ZNFX1: variants seen among roughly 807,000 people sequenced by gnomAD.
ZNFX1 encodes the protein NFX1-type zinc finger-containing protein 1.
A neutral mutation model predicts 179.8 loss-of-function variants in ZNFX1; 78 were observed. The observed-to-expected ratio is 0.43, with a 90% CI of 0.36 to 0.52. The LOEUF (loss-of-function observed/expected upper bound fraction) is 0.52. Ranked by LOEUF, ZNFX1 falls within the 20% of genes least tolerant of loss-of-function variation. The probability of loss-of-function intolerance (pLI) is 0.00; values close to 1 mark genes in which losing one functional copy is unlikely to be tolerated. For missense variants in ZNFX1, 1,927 were observed against 2,386.6 expected (o/e 0.81, Z 4.01); for synonymous variants, 848 against 868.5 (o/e 0.98, Z 0.42).
chr20:49,268,188 T>C (rs1981290756), intron 3 of ZNFX1, among the ~76,000 whole-genome samples: 1 of 152,160 alleles, frequency 6.6e-6, no homozygotes, highest in Non-Finnish European at 1.5e-5. Context: ...TGTATAATGG[T>C]TTTAGTAATG....
chr20:49,260,341 GTCTTTCTCTGATTGAC>G, intron 7 of ZNFX1, 106 bp downstream of exon 7: 5 of 465,142 alleles, frequency 1.1e-5, no homozygotes, highest in Non-Finnish European at 1.8e-5. Flanking sequence ...TAAGCTATTT[GTCTTTCTCTGATTGAC>G]TCATAGCTCT....
chr20:49,263,628 A>G (rs896596383), intron 5 of ZNFX1, 145 bp from the exon 6 acceptor site: 2 of 1,013,850 alleles, frequency 2.0e-6, no homozygotes, highest in Non-Finnish European at 2.9e-6. Context: ...CAATTTCCCA[A>G]GGCACATTAT....
chr20:49,248,195 TCA>T lies in ZNFX1; in HGVS notation c.4827_4828del (p.Asp1609GlufsTer2). The T allele has an allele frequency of 6.2e-7, 1 of 1,614,152 alleles. No homozygotes were observed. Among genetic ancestry groups the T allele is most frequent in the Non-Finnish European group, 8.5e-7 (1 of 1,180,030 alleles). On this transcript the variant is annotated frameshift_variant, in exon 14 of 14. Transcript: ENST00000396105. LOFTEE classifies it high-confidence loss of function. The surrounding 1 kb of genome is among the most constrained non-coding windows in gnomAD (Gnocchi z 4.6). ...GACTTTCAATCTGATGGCGACTTCA[TCA>T]TCCTTCTGTTCATTCATGTAGCGGT...
rs945040061 is a variant in ZNFX1, at chr20:49,247,059, G to T, written c.*208C>A. 1.5e-5 allele frequency: 9 copies of T among 590,756 alleles called. No homozygotes were observed. In the African/African-American group the frequency reaches 1.7e-4, roughly 11 times the overall value. The allele number at this position is 590,756 out of a possible 1,614,324, so 36.6% of individuals were successfully genotyped here. A position where few individuals can be genotyped will look rare whatever the true frequency, so the allele number is the denominator to read the frequency against. ...AATTTTTGTATTTTTAGTAGAGACG[G>T]GGTTTCGCCATGTTGGTCAGGCTGG... On this transcript the variant is annotated 3_prime_UTR_variant, in exon 14 of 14. Coordinates refer to ENST00000396105, the MANE Select transcript of ZNFX1 (RefSeq NM_021035.3).
At position 49,255,940 on chromosome 20, in the gene ZNFX1, C is replaced by A; in HGVS notation, c.2672G>T (p.Arg891Leu). 1 of 1,613,898 alleles carries A rather than the reference C, an allele frequency of 6.2e-7. No individual in the cohort carries two copies. Among genetic ancestry groups the A allele is most frequent in the Non-Finnish European group, 8.5e-7 (1 of 1,179,956 alleles). Residue 891 changes from arginine (R) to leucine (L), a missense_variant, in exon 9 of 14, where the codon CGC becomes CTC. By Grantham distance (102) the Arg-to-Leu change is moderately radical. Coordinates refer to ENST00000396105, the MANE Select transcript of ZNFX1 (RefSeq NM_021035.3). ...TTTTTTCATTTTCTTTTTCTGGTTG[C>A]GCTGGGTCTGCAGACATCAATACCA... is the stretch of plus-strand genomic sequence containing the variant. ...EQATGEWQTQRNQKKKMKKRV... is the reference protein window; with the variant it reads ...EQATGEWQTQLNQKKKMKKRV...
At position 49,249,840 on chromosome 20, in the gene ZNFX1, A is replaced by G. The variant is rs1360689562; in HGVS notation, c.3313-129T>C. 4.4e-6 allele frequency: 4 copies of G among 909,146 alleles called. No individual in the cohort carries two copies. In the Admixed American group the frequency reaches 8.7e-5, roughly 20 times the overall value. The allele number at this position is 909,146 out of a possible 1,614,324, so 56.3% of individuals were successfully genotyped here. A position where few individuals can be genotyped will look rare whatever the true frequency, so the allele number is the denominator to read the frequency against. Reference sequence around the variant, plus strand: ...ACCTTGGAAAGCTTTTTGTCCACTCAACATCACTATCTTTAGTTCTTTAGT... The same window carrying G: ...ACCTTGGAAAGCTTTTTGTCCACTCGACATCACTATCTTTAGTTCTTTAGT... On this transcript the variant is annotated intron_variant, in intron 13 of 13. Coordinates refer to ENST00000396105, the MANE Select transcript of ZNFX1 (RefSeq NM_021035.3).
chr20:49,267,171 C>T (rs1981255246), intron 3 of ZNFX1, among the ~76,000 whole-genome samples: 2 of 152,226 alleles, frequency 1.3e-5, no homozygotes, highest in Non-Finnish European at 2.9e-5. Flanking sequence ...GCTGGGATTA[C>T]AGGCGTGAGC....
intron 7 of ZNFX1, among the ~76,000 whole-genome samples, chr20:49,259,387 G>A (rs1210349496): frequency 6.6e-6 from 1 of 150,486 alleles, no homozygotes; most frequent in East Asian, 1.9e-4. Context: ...CATTTATACT[G>A]TATCTAAGTA....
In ZNFX1 at chr20:49,264,857, G is replaced by A; in HGVS notation, c.2010C>T (p.Tyr670=). 1 of 1,614,198 alleles carries A rather than the reference G, an allele frequency of 6.2e-7. No homozygotes were observed. Among genetic ancestry groups the A allele is most frequent in the Non-Finnish European group, 8.5e-7 (1 of 1,180,036 alleles). Residue 670 remains tyrosine (Y), a synonymous_variant, in exon 5 of 14, where the codon TAC becomes TAT. Coordinates refer to ENST00000396105, the MANE Select transcript of ZNFX1 (RefSeq NM_021035.3). ...HALDQFLEGI[Y]NCQKTSIVRV... is the part of the protein sequence containing the mutation. ...GCACAATGCTGGTCTTCTGACAATT[G>A]TAGATGCCTGTGGAACAAAGTGGAG...
In ZNFX1 at chr20:49,253,647, A is replaced by AG. The variant is rs1568982409; in HGVS notation, c.3105+18dup. On this transcript the variant is annotated intron_variant, in intron 11 of 13. Coordinates refer to ENST00000396105, the MANE Select transcript of ZNFX1 (RefSeq NM_021035.3). ...CCCACGGAGAGCCAGCCCATCTTCT[A>AG]GGGGGACTCTCGTTTTACCTGCTGG... 1 of 1,613,486 alleles carries AG rather than the reference A, an allele frequency of 6.2e-7. No homozygotes were observed. Among genetic ancestry groups the AG allele is most frequent in the South Asian group, 1.1e-5 (1 of 91,048 alleles).
At chr20:49,275,117 T>C (rs1004042036) in intron 2 of ZNFX1, among the ~76,000 whole-genome samples, 3 of 140,046 alleles carry the variant, frequency 2.1e-5, no homozygotes, top group African/African-American at 7.4e-5. Context: ...AGCGAGACTC[T>C]GTCTCAAAAA....
chr20:49,263,282 C>G, intron 6 of ZNFX1, 52 bp downstream of exon 6: 1 of 1,591,238 alleles, frequency 6.3e-7, no homozygotes, highest in Non-Finnish European at 8.6e-7. Context: ...TGGAGGCTAC[C>G]TCAAAGTACT....
rs139799273 is a variant in ZNFX1 at position 49,264,855 on chromosome 20, T to C, written c.2012A>G (p.Asn671Ser). Residue 671 changes from asparagine to serine, a missense_variant, in exon 5 of 14, where the codon AAT (asparagine) becomes AGT (serine). Physicochemically the swap from Asn to Ser is conservative, Grantham distance 46. Transcript: ENST00000396105. ...ALDQFLEGIYNCQKTSIVRVG... is the reference protein window; with the variant it reads ...ALDQFLEGIYSCQKTSIVRVG... Reference sequence around the variant, plus strand: ...CCGCACAATGCTGGTCTTCTGACAATTGTAGATGCCTGTGGAACAAAGTGG... The same window carrying C: ...CCGCACAATGCTGGTCTTCTGACAACTGTAGATGCCTGTGGAACAAAGTGG... 5 of 1,614,182 alleles carry C rather than the reference T, an allele frequency of 3.1e-6. No individual in the cohort carries two copies. The highest frequency in any genetic ancestry group is 1.3e-5 in the African/African-American group (1 of 75,024).
At chr20:49,250,696 C>T (rs563413725) in intron 13 of ZNFX1, among the ~76,000 whole-genome samples, 2 of 152,132 alleles carry the variant, frequency 1.3e-5, no homozygotes, top group East Asian at 1.9e-4. Flanking sequence ...GGATTACAGG[C>T]GCCCACCACC....
rs892131349 is a variant in ZNFX1 at position 49,246,686 on chromosome 20, G to A, written c.*581C>T. 1 of 363,062 alleles carries A rather than the reference G, an allele frequency of 2.8e-6. No homozygotes were observed. The highest frequency in any genetic ancestry group is 5.4e-6 in the Non-Finnish European group (1 of 185,300). The allele number at this position is 363,062 out of a possible 1,614,324, so 22.5% of individuals were successfully genotyped here. A position where few individuals can be genotyped will look rare whatever the true frequency, so the allele number is the denominator to read the frequency against. On this transcript the variant is annotated 3_prime_UTR_variant, in exon 14 of 14. Coordinates refer to ENST00000396105, the MANE Select transcript of ZNFX1 (RefSeq NM_021035.3). ...GAGATACCACTAGGTGGCCCTAGGT[G>A]GAAGCCCCAAACATGTTCCAGGGAG...
At position 49,248,263 on chromosome 20, in the gene ZNFX1, C is replaced by A; in HGVS notation, c.4761G>T (p.Gln1587His). 6.2e-7 allele frequency: 1 copy of A among 1,614,176 alleles called. No homozygotes were observed. The change falls in exon 14 of 14, where the codon CAG becomes CAT. Residue 1587 changes from glutamine (Q) to histidine (H), a missense_variant. Physicochemically the swap from Gln to His is conservative, Grantham distance 24 (BLOSUM62 0). Transcript: ENST00000396105. The surrounding 1 kb of genome is among the most constrained non-coding windows in gnomAD (Gnocchi z 4.6). Reference protein sequence around the residue: ...FEDEPDARFVQLEDCSHIFEV... With the variant: ...FEDEPDARFVHLEDCSHIFEV... ...CAAAGATGTGGCTGCAGTCTTCCAGCTGCACAAAGCGGGCATCAGGCTCAT... is the reference window on the plus strand; with the variant it reads ...CAAAGATGTGGCTGCAGTCTTCCAGATGCACAAAGCGGGCATCAGGCTCAT...
intron 8 of ZNFX1, among the ~76,000 whole-genome samples, chr20:49,256,212 G>A (rs951917470): frequency 6.6e-6 from 1 of 152,120 alleles, no homozygotes. Flanking sequence ...GTGTCCCTCA[G>A]TATCACCTTC....
chr20:49,248,055 T>C lies in ZNFX1; in HGVS notation c.4969A>G (p.Ile1657Val). 1.9e-6 allele frequency: 3 copies of C among 1,614,204 alleles called. No homozygotes were observed. Among genetic ancestry groups the C allele is most frequent in the Non-Finnish European group, 2.5e-6 (3 of 1,180,034 alleles). The change falls in exon 14 of 14, where the codon ATA becomes GTA. Residue 1657 changes from isoleucine to valine, a missense_variant. Physicochemically the swap from Ile to Val is conservative, Grantham distance 29 (BLOSUM62 3). Coordinates refer to ENST00000396105, the MANE Select transcript of ZNFX1 (RefSeq NM_021035.3). This position sits in a 1 kb window ranked among gnomAD's most constrained non-coding sequence, Gnocchi z 4.6. Reference protein sequence around the residue: ...KEKIQGSAGEIATSQERLKAL... With the variant: ...KEKIQGSAGEVATSQERLKAL... The stretch of plus-strand genomic sequence containing the variant: ...TTAAGCCGTTCCTGGCTGGTTGCTA[T>C]TTCCCCTGCTGAGCCCTGGATCTTT...
rs1285239129 is a variant in ZNFX1, at chr20:49,270,633, T to C, written c.1179A>G (p.Gln393=). 4.3e-6 allele frequency: 7 copies of C among 1,614,222 alleles called. No homozygotes were observed. The highest frequency in any genetic ancestry group is 5.9e-6 in the Non-Finnish European group (7 of 1,180,036). The change falls in exon 3 of 14, where the codon CAA becomes CAG. Residue 393 remains glutamine, a synonymous_variant. Coordinates refer to ENST00000396105, the MANE Select transcript of ZNFX1 (RefSeq NM_021035.3). The surrounding 1 kb of genome is among the most constrained non-coding windows in gnomAD (Gnocchi z 4.6). ...TCCTCAGGCCCTGGTCTTCAAAGCT[T>C]TGGAGAAGTTCCAAAATACCTTCCC... The part of the protein sequence containing the change: ...PLREGILELL[Q]SFEDQGLRKR...
Sources: gnomAD v4.1 joint callset for allele counts (sites outside exome capture counted in the v4.1 genomes callset) on GRCh38, gnomAD v4.1.1 for gene constraint, Gnocchi (gnomAD v3.1) non-coding constraint, MANE v1.5 for transcripts, NCBI Gene and HGNC (gene_info 2026-07-23, HGNC 2026-07-21) for gene names.